SUN2: variants seen among roughly 807,000 people sequenced by gnomAD.
SUN2 encodes Sad1 and UNC84 domain containing 2, also known as SUN domain-containing protein 2.
Under a neutral mutation model 100.0 loss-of-function variants are expected in SUN2, and 60 were observed. That is an observed-to-expected ratio of 0.60 (90% CI 0.49 to 0.74). The LOEUF (loss-of-function observed/expected upper bound fraction) is 0.74, where lower values mean the gene tolerates loss of function less well. Ranked by LOEUF, SUN2 falls within the 30% of genes least tolerant of loss-of-function variation. SUN2 has a pLI of 0.00. For synonymous variants in SUN2, 367 were observed against 403.3 expected, an observed-to-expected ratio of 0.91 and a Z score of 1.08; for missense variants, 834 against 954.6, an observed-to-expected ratio of 0.87 and a Z score of 1.66.
chr22:38,742,198 G>A (rs1340326588), intron 9 of SUN2, 103 bp downstream of exon 9: 2 of 1,409,052 alleles, frequency 1.4e-6, no homozygotes, highest in Non-Finnish European at 1.9e-6. Flanking sequence ...AAATGGCAGA[G>A]CTGTCTGATC....
intron 7 of SUN2, among the ~76,000 whole-genome samples, chr22:38,746,592 C>T (rs1895602900): frequency 6.6e-6 from 1 of 152,218 alleles, no homozygotes; most frequent in South Asian, 2.1e-4. Context: ...CCGAGCAGGT[C>T]ACTGAGCCCC....
Position 38,739,106 on chromosome 22 carries a change from C to G in SUN2, c.1664-118G>C. 9.2e-7 allele frequency: 1 copy of G among 1,088,290 alleles called. No homozygotes were observed. Among genetic ancestry groups the G allele is most frequent in the Non-Finnish European group, 1.4e-6 (1 of 733,102 alleles). 67.4% of individuals were successfully genotyped at this position (1,088,290 alleles called of 1,614,324 possible). The stretch of plus-strand genomic sequence containing the variant: ...GATGCCCCAGGCCTAGCCTTTAACC[C>G]TAACCGAGATGCTCAGAGCAGCTTT... On this transcript the variant is annotated intron_variant, in intron 14 of 17. Transcript: ENST00000689035. The surrounding 1 kb of genome is among the most constrained non-coding windows in gnomAD (Gnocchi z 6.7).
chr22:38,753,585 C>T (rs1027643362), intron 1 of SUN2, among the ~76,000 whole-genome samples: 22 of 152,170 alleles, frequency 1.4e-4, no homozygotes, highest in African/African-American at 5.3e-4. Flanking sequence ...AGGCTCCCAC[C>T]TACGTCCTGA....
Position 38,748,678 on chromosome 22 carries a change from C to T in SUN2, c.685+35G>A, listed in dbSNP as rs772244327. 4 of 1,613,426 alleles carry T rather than the reference C, an allele frequency of 2.5e-6. No homozygotes were observed. The Admixed American group carries it at 6.7e-5, about 27-fold the overall frequency. Reference sequence around the variant, plus strand: ...TCACCACCCTCTGGTGAACACATCTCTGTGCCTCCCTCTGCTCTCCCCATG... The same window carrying T: ...TCACCACCCTCTGGTGAACACATCTTTGTGCCTCCCTCTGCTCTCCCCATG... On this transcript the variant is annotated intron_variant, in intron 7 of 17. Coordinates refer to ENST00000689035, the MANE Select transcript of SUN2 (RefSeq NM_015374.3).
At chr22:38,736,730 C>A in intron 17 of SUN2, 1 of 192,482 alleles carries the variant, frequency 5.2e-6, no homozygotes, top group Non-Finnish European at 1.1e-5. Context: ...CATCGGGCCT[C>A]TGTCTAGCCA....
chr22:38,738,661 T>A lies in SUN2; in HGVS notation c.1873A>T (p.Thr625Ser). 6.2e-7 allele frequency: 1 copy of A among 1,613,954 alleles called. No individual in the cohort carries two copies. The highest frequency in any genetic ancestry group is 1.1e-5 in the South Asian group (1 of 91,086). ...AAGGCCTTGGGCACATGCTCTAAGG[T>A]AACGGCTGTGGGGCGGATGCGGGCA... ...LSARIRPTAV[T>S]LEHVPKALSP... is the part of the protein sequence containing the mutation. Residue 625 changes from threonine to serine, a missense_variant, in exon 16 of 18, where the codon ACC becomes TCC. Around this residue, in one of 3 missense-constraint regions of SUN2, gnomAD observed 195 missense variants for 280.2 expected, o/e 0.70. Coordinates refer to ENST00000689035, the MANE Select transcript of SUN2 (RefSeq NM_015374.3). The surrounding 1 kb of genome is among the most constrained non-coding windows in gnomAD (Gnocchi z 6.6).
In SUN2 at chr22:38,738,943, T is replaced by G; in HGVS notation, c.1709A>C (p.Lys570Thr). 6.2e-7 allele frequency: 1 copy of G among 1,613,638 alleles called. No individual in the cohort carries two copies. Among genetic ancestry groups the G allele is most frequent in the African/African-American group, 1.3e-5 (1 of 74,986 alleles). ...STRCSETYET[K>T]TALLSLFGIP... ...GCCGAAGAGGCTGAGGAGGGCCGTC[T>G]TGGTCTCGTAGGTCTCAGAACATCG... The change falls in exon 15 of 18, where the codon AAG becomes ACG. Residue 570 changes from lysine to threonine, a missense_variant. Lys to Thr is a moderately conservative substitution (Grantham distance 78). Around this residue, in one of 3 missense-constraint regions of SUN2, gnomAD observed 195 missense variants for 280.2 expected, o/e 0.70. Coordinates refer to ENST00000689035, the MANE Select transcript of SUN2 (RefSeq NM_015374.3). The surrounding 1 kb of genome is among the most constrained non-coding windows in gnomAD (Gnocchi z 6.6).
intron 9 of SUN2, 65 bp from the exon 10 acceptor site, chr22:38,741,636 G>T: frequency 6.8e-7 from 1 of 1,463,480 alleles, no homozygotes; most frequent in Admixed American, 1.7e-5. Flanking sequence ...TCATGACTAG[G>T]AAGTGGCGGA....
rs2092812046 is a variant in SUN2, at chr22:38,737,073, C to T, written c.2041-693G>A. 1.3e-5 allele frequency among the ~76,000 whole-genome samples: 2 copies of T among 152,210 alleles called. No homozygotes were observed. The highest frequency in any genetic ancestry group is 4.1e-4 in the South Asian group (2 of 4,834). On this transcript the variant is annotated intron_variant, in intron 17 of 17. Coordinates refer to ENST00000689035, the MANE Select transcript of SUN2 (RefSeq NM_015374.3). This position sits in a 1 kb window ranked among gnomAD's most constrained non-coding sequence, Gnocchi z 4.1. ...TGTTCACCAGCCTGGTCTTGAACTC[C>T]TGGGCTCAAGCAATCCCCTCGCCTT...
At position 38,751,010 on chromosome 22, in the gene SUN2, C is replaced by T; in HGVS notation, c.312G>A (p.Arg104=). The change falls in exon 4 of 18, where the codon AGG becomes AGA. Residue 104 remains arginine, a synonymous_variant. Transcript: ENST00000689035. ...TGCTCTCTGAGCCACCCGTGCCTCT[C>T]CTCCTCCGCACCCGCAGGTCCTCAC... ...NWGEDLRVRR[R]RGTGGSESSR... 1 of 1,613,498 alleles carries T rather than the reference C, an allele frequency of 6.2e-7. No individual in the cohort carries two copies. Among genetic ancestry groups the T allele is most frequent in the East Asian group, 2.2e-5 (1 of 44,820 alleles).
chr22:38,740,886 T>C lies in SUN2; in HGVS notation c.1190+121A>G, dbSNP rs2145962405. 8.8e-7 allele frequency: 1 copy of C among 1,131,988 alleles called. No individual in the cohort carries two copies. The highest frequency in any genetic ancestry group is 2.6e-5 in the East Asian group (1 of 38,652). The allele number at this position is 1,131,988 out of a possible 1,614,324, so 70.1% of individuals were successfully genotyped here. A position where few individuals can be genotyped will look rare whatever the true frequency, so the allele number is the denominator to read the frequency against. On this transcript the variant is annotated intron_variant, in intron 11 of 17. Transcript: ENST00000689035. The surrounding 1 kb of genome is among the most constrained non-coding windows in gnomAD (Gnocchi z 4.8). ...TGAGCTGGGTTTCAACCCCTCCCCCTACCATCTGCTTGGCAAGATGATCAG... is the reference window on the plus strand; with the variant it reads ...TGAGCTGGGTTTCAACCCCTCCCCCCACCATCTGCTTGGCAAGATGATCAG...
Position 38,739,025 on chromosome 22 carries a change from C to T in SUN2, c.1664-37G>A, listed in dbSNP as rs564092952. 22 of 1,571,760 alleles carry T rather than the reference C, an allele frequency of 1.4e-5. No individual in the cohort carries two copies. Among genetic ancestry groups the T allele is most frequent in the East Asian group, 7.1e-5 (3 of 42,528 alleles). Reference sequence around the variant, plus strand: ...GAGGAAGGCAGGGTGGGCTCCCGCACGGGAGGAGGGCCCCGCTCAGGCCAT... The same window carrying T: ...GAGGAAGGCAGGGTGGGCTCCCGCATGGGAGGAGGGCCCCGCTCAGGCCAT... On this transcript the variant is annotated intron_variant, in intron 14 of 17. Coordinates refer to ENST00000689035, the MANE Select transcript of SUN2 (RefSeq NM_015374.3). The surrounding 1 kb of genome is among the most constrained non-coding windows in gnomAD (Gnocchi z 6.7).
rs866481496 is a variant in SUN2, at chr22:38,748,932, G to A, written c.615-149C>T. ...TAGCTTGAGCTTCTCACTGTGCCAG[G>A]GCCAGCCTGGACACGTCAGAGCCTT... On this transcript the variant is annotated intron_variant, in intron 6 of 17. Coordinates refer to ENST00000689035, the MANE Select transcript of SUN2 (RefSeq NM_015374.3). 4.0e-6 allele frequency: 3 copies of A among 758,480 alleles called. No individual in the cohort carries two copies. The South Asian group carries it at 4.9e-5, about 12-fold the overall frequency. The allele number at this position is 758,480 out of a possible 1,614,324, so 47.0% of individuals were successfully genotyped here.
intron 7 of SUN2, among the ~76,000 whole-genome samples, chr22:38,748,188 C>A (rs1170991768): frequency 6.6e-6 from 1 of 152,196 alleles, no homozygotes; most frequent in African/African-American, 2.4e-5. Context: ...TTGGCGCATG[C>A]CTGTAATCCC....
chr22:38,752,530 G>A lies in SUN2; in HGVS notation c.99C>T (p.Thr33=). The change falls in exon 2 of 18, where the codon ACC becomes ACT. Residue 33 remains threonine, a synonymous_variant. Coordinates refer to ENST00000689035, the MANE Select transcript of SUN2 (RefSeq NM_015374.3). ...ACCTGAGAGGACTGTCTTTAAACAGGGTGCTCTGACTCCCAGCCACCGAGC... is the reference window on the plus strand; with the variant it reads ...ACCTGAGAGGACTGTCTTTAAACAGAGTGCTCTGACTCCCAGCCACCGAGC... ...GGSSVAGSQS[T]LFKDSPLRTL... is the part of the protein sequence containing the mutation. The A allele has an allele frequency of 6.2e-7, 1 of 1,613,748 alleles. No individual in the cohort carries two copies. The highest frequency in any genetic ancestry group is 8.5e-7 in the Non-Finnish European group (1 of 1,179,752).
chr22:38,735,286 C>G lies in SUN2; in HGVS notation c.*981G>C. ...CAAGAGCCCAAGGGGGCAGCCTGAGCGGACGACCCCTACATCAGGGCCTGG... is the reference window on the plus strand; with the variant it reads ...CAAGAGCCCAAGGGGGCAGCCTGAGGGGACGACCCCTACATCAGGGCCTGG... On this transcript the variant is annotated 3_prime_UTR_variant, in exon 18 of 18. Transcript: ENST00000689035. 4.4e-6 allele frequency: 2 copies of G among 454,048 alleles called. No homozygotes were observed. The highest frequency in any genetic ancestry group is 1.6e-5 in the South Asian group (1 of 64,364). 28.1% of individuals were successfully genotyped at this position (454,048 alleles called of 1,614,324 possible).
chr22:38,737,709 C>G lies in SUN2; in HGVS notation c.2040+464G>C. 2.8e-6 allele frequency: 1 copy of G among 360,116 alleles called. No individual in the cohort carries two copies. Among genetic ancestry groups the G allele is most frequent in the South Asian group, 2.1e-5 (1 of 48,368 alleles). 22.3% of individuals were successfully genotyped at this position (360,116 alleles called of 1,614,324 possible). On this transcript the variant is annotated intron_variant, in intron 17 of 17. Coordinates refer to ENST00000689035, the MANE Select transcript of SUN2 (RefSeq NM_015374.3). This position sits in a 1 kb window ranked among gnomAD's most constrained non-coding sequence, Gnocchi z 4.1. Reference sequence around the variant, plus strand: ...AATGCAGGCTCCTGGGTCCTGTCAGCCCTAAGGAACCAGACTCTCCTGGGG... The same window carrying G: ...AATGCAGGCTCCTGGGTCCTGTCAGGCCTAAGGAACCAGACTCTCCTGGGG...
Position 38,755,956 on chromosome 22 carries a change from CGGA to C in SUN2, c.-234_-232del. On this transcript the variant is annotated 5_prime_UTR_variant, in exon 1 of 18. Coordinates refer to ENST00000689035, the MANE Select transcript of SUN2 (RefSeq NM_015374.3). The surrounding 1 kb of genome is among the most constrained non-coding windows in gnomAD (Gnocchi z 5.7). ...GCGGGCGGGCGGACAATGCGGCCGG[CGGA>C]GGCCCGCGCTGCGCGAGTGGGGCCG... 1 of 983,198 alleles carries C rather than the reference CGGA, an allele frequency of 1.0e-6. No individual in the cohort carries two copies. Among genetic ancestry groups the C allele is most frequent in the Non-Finnish European group, 1.2e-6 (1 of 828,994 alleles). 60.9% of individuals were successfully genotyped at this position (983,198 alleles called of 1,614,324 possible).
At chr22:38,741,161 G>A in intron 10 of SUN2, 111 bp from the exon 11 acceptor site, 1 of 1,226,406 alleles carries the variant, frequency 8.2e-7, no homozygotes, top group East Asian at 2.5e-5. Context: ...CCTGCCCAAG[G>A]TCTCTTGACC....
Sources: gnomAD v4.1 joint callset for allele counts (sites outside exome capture counted in the v4.1 genomes callset) on GRCh38, gnomAD v4.1.1 for gene constraint, gnomAD v4.1.1 regional missense constraint, Gnocchi (gnomAD v3.1) non-coding constraint, MANE v1.5 for transcripts, NCBI Gene and HGNC (gene_info 2026-07-23, HGNC 2026-07-21) for gene names.